PALS1: variants seen among roughly 807,000 people sequenced by gnomAD.
PALS1 encodes the protein protein associated with LIN7 1, MAGUK p55 family member.
A neutral mutation model predicts 78.9 loss-of-function variants in PALS1; 31 were observed. The ratio of observed to expected loss-of-function variants is 0.39; its 90% CI spans 0.30 to 0.53. The LOEUF (loss-of-function observed/expected upper bound fraction) is 0.53. PALS1 is among the 20% of genes least tolerant of loss of function. PALS1 has a pLI of 0.67. For synonymous variants in PALS1, 276 were observed against 270.9 expected (o/e 1.02, Z -0.18); for missense variants, 704 against 826.5 (o/e 0.85, Z 1.82).
Position 67,279,130 on chromosome 14 carries a change from A to C in PALS1, c.-41A>C, listed in dbSNP as rs1375191619. The C allele has an allele frequency of 2.0e-6, 3 of 1,499,878 alleles. No individual in the cohort carries two copies. Among genetic ancestry groups the C allele is most frequent in the Non-Finnish European group, 2.7e-6 (3 of 1,127,780 alleles). 92.9% of individuals were successfully genotyped at this position (1,499,878 alleles called of 1,614,324 possible). On this transcript the variant is annotated 5_prime_UTR_variant, in exon 3 of 15. Coordinates refer to ENST00000261681, the MANE Select transcript of PALS1 (RefSeq NM_022474.4). Reference sequence around the variant, plus strand: ...ATCAAGAGAATTGGCTTATAGGAAAAATTGATTTATAAAAAGTGGTACAGG... The same window carrying C: ...ATCAAGAGAATTGGCTTATAGGAAACATTGATTTATAAAAAGTGGTACAGG...
chr14:67,259,504 C>A (rs1315001332), intron 1 of PALS1, among the ~76,000 whole-genome samples: 1 of 151,978 alleles, frequency 6.6e-6, no homozygotes, highest in Non-Finnish European at 1.5e-5. Context: ...CCCAGTTACT[C>A]AGGAGGCTGA....
At chr14:67,283,872 A>G (rs2084638737) in intron 3 of PALS1, among the ~76,000 whole-genome samples, 1 of 152,220 alleles carries the variant, frequency 6.6e-6, no homozygotes. Flanking sequence ...GTAGGTTTTA[A>G]AACTTATTTC....
chr14:67,255,787 A>G (rs1314493606), intron 1 of PALS1, among the ~76,000 whole-genome samples: 28 of 152,310 alleles, frequency 1.8e-4, no homozygotes, highest in Non-Finnish European at 3.4e-4. Context: ...ACCGGGGTTC[A>G]AACAATTCTT....
At chr14:67,273,317 C>T (rs10083341) in intron 2 of PALS1, among the ~76,000 whole-genome samples, 3,014 of 151,864 alleles carry the variant, frequency 0.02, 98 homozygotes, top group African/African-American at 0.069. Context: ...GTTCCCCACC[C>T]TGTGTCCAAG....
chr14:67,262,880 T>C (rs2084261259), intron 1 of PALS1, among the ~76,000 whole-genome samples: 1 of 152,182 alleles, frequency 6.6e-6, no homozygotes, highest in Non-Finnish European at 1.5e-5. Flanking sequence ...ATATTGCAGG[T>C]AATTTTAAAC....
chr14:67,310,216 T>C (rs1260978795), intron 8 of PALS1, among the ~76,000 whole-genome samples: 2 of 152,180 alleles, frequency 1.3e-5, no homozygotes, highest in East Asian at 3.8e-4. Flanking sequence ...AATTCATTTT[T>C]AGTGCTGACT....
At chr14:67,319,057 CAAA>C (rs367594842) in intron 11 of PALS1, among the ~76,000 whole-genome samples, 1 of 114,022 alleles carries the variant, frequency 8.8e-6, no homozygotes. Flanking sequence ...GACTCCGTCT[CAAA>C]AAAAAAAAAA....
chr14:67,305,990 T>A (rs1354333952), intron 8 of PALS1, among the ~76,000 whole-genome samples: 7 of 151,832 alleles, frequency 4.6e-5, no homozygotes, highest in Admixed American at 4.6e-4. Context: ...TCTGTTCTTT[T>A]TACTTGGAGT....
In PALS1 at chr14:67,333,166, G is replaced by A. The variant is rs1026694703; in HGVS notation, c.*210G>A. On this transcript the variant is annotated 3_prime_UTR_variant, in exon 15 of 15. Transcript: ENST00000261681. ...TTTATTCTCTATACATGGCTTTAGC[G>A]GTTCTTGCCTCATTTTGGGATTCTA... 2.5e-5 allele frequency: 10 copies of A among 402,282 alleles called. No individual in the cohort carries two copies. Among genetic ancestry groups the A allele is most frequent in the Non-Finnish European group, 4.0e-5 (9 of 226,396 alleles). The allele number at this position is 402,282 out of a possible 1,614,324, so 24.9% of individuals were successfully genotyped here.
chr14:67,261,787 A>T (rs2084242114), intron 1 of PALS1, among the ~76,000 whole-genome samples: 1 of 151,956 alleles, frequency 6.6e-6, no homozygotes, highest in Non-Finnish European at 1.5e-5. Flanking sequence ...AGGTACTTTG[A>T]GCAATAGATA....
At chr14:67,275,550 A>G (rs2084489587) in intron 2 of PALS1, among the ~76,000 whole-genome samples, 1 of 152,186 alleles carries the variant, frequency 6.6e-6, no homozygotes, top group African/African-American at 2.4e-5. Flanking sequence ...TTTCGCATCG[A>G]CATTCATCAG....
chr14:67,329,696 T>G (rs1334925016), intron 14 of PALS1, among the ~76,000 whole-genome samples: 1 of 152,110 alleles, frequency 6.6e-6, no homozygotes, highest in South Asian at 2.1e-4. Context: ...CTGGGCAACA[T>G]AGTGAAATCC....
chr14:67,294,690 T>G (rs1315329456), intron 4 of PALS1: 3 of 152,058 alleles, frequency 2.0e-5, no homozygotes, highest in Non-Finnish European at 4.4e-5. Context: ...TTTTTTTTTT[T>G]GAGATGGAGT....
chr14:67,309,086 TTTG>T (rs1232184225), intron 8 of PALS1, among the ~76,000 whole-genome samples: 1 of 152,172 alleles, frequency 6.6e-6, no homozygotes, highest in African/African-American at 2.4e-5. Context: ...AACAGAAGAT[TTTG>T]TTTTGTTCAG....
At chr14:67,290,362 G>T (rs1390059751) in intron 3 of PALS1, among the ~76,000 whole-genome samples, 1 of 152,140 alleles carries the variant, frequency 6.6e-6, no homozygotes, top group Non-Finnish European at 1.5e-5. Context: ...AATAAAGACA[G>T]ACTCTGATAT....
intron 14 of PALS1, 41 bp downstream of exon 14, chr14:67,323,853 A>C (rs771400419): frequency 9.7e-7 from 1 of 1,030,178 alleles, no homozygotes; most frequent in African/African-American, 1.7e-5. Flanking sequence ...TTGAAGGTAA[A>C]CATGAAACAG....
At chr14:67,308,000 T>C (rs1170837874) in intron 8 of PALS1, among the ~76,000 whole-genome samples, 2 of 152,118 alleles carry the variant, frequency 1.3e-5, no homozygotes, top group Admixed American at 6.6e-5. Flanking sequence ...AAAAACCACA[T>C]GTTCTCTTAC....
At chr14:67,283,248 TA>T (rs2084629437) in intron 3 of PALS1, among the ~76,000 whole-genome samples, 1 of 152,216 alleles carries the variant, frequency 6.6e-6, no homozygotes, top group Non-Finnish European at 1.5e-5. Flanking sequence ...GTTTCAGTCT[TA>T]ATTAGTGTCT....
At chr14:67,288,962 TC>T (rs1457807928) in intron 3 of PALS1, among the ~76,000 whole-genome samples, 2 of 128,398 alleles carry the variant, frequency 1.6e-5, no homozygotes, top group Non-Finnish European at 3.2e-5. Context: ...TTTCTTTATT[TC>T]CTTTTTTTTT....
Sources: allele counts gnomAD v4.1 joint callset (sites outside exome capture counted in the v4.1 genomes callset), GRCh38; gene constraint gnomAD v4.1.1; transcripts MANE v1.5; gene names NCBI Gene and HGNC (gene_info 2026-07-23, HGNC 2026-07-21).